SDC2: variants seen among roughly 807,000 people sequenced by gnomAD.
SDC2 encodes the protein syndecan 2, also known as syndecan-2.
SDC2 carries 13 observed loss-of-function variants against 22.2 expected under a neutral mutation model. That is an observed-to-expected ratio of 0.59 (90% confidence interval 0.38 to 0.93). The LOEUF (loss-of-function observed/expected upper bound fraction) is 0.93, where lower values mean the gene tolerates loss of function less well. SDC2 is among the 40% of genes least tolerant of loss of function. The pLI, the probability that SDC2 is intolerant of heterozygous loss-of-function variation, is 0.00. For synonymous variants in SDC2, 94 were observed against 92.8 expected (o/e 1.01, Z -0.07); for missense variants, 235 against 246.8 (o/e 0.95, Z 0.32).
At chr8:96,545,909 G>A (rs1813923739) in intron 1 of SDC2, among the ~76,000 whole-genome samples, 1 of 152,156 alleles carries the variant, frequency 6.6e-6, no homozygotes, top group Non-Finnish European at 1.5e-5. Flanking sequence ...GTTAAGATGG[G>A]GACACTAGAA....
At chr8:96,563,918 T>A (rs1208368699) in intron 1 of SDC2, among the ~76,000 whole-genome samples, 1 of 152,208 alleles carries the variant, frequency 6.6e-6, no homozygotes, top group African/African-American at 2.4e-5. Context: ...CTTACATATT[T>A]AGCTGTGAGC....
intron 1 of SDC2, among the ~76,000 whole-genome samples, chr8:96,540,709 C>G (rs1168916874): frequency 1.3e-5 from 2 of 152,162 alleles, no homozygotes; most frequent in Non-Finnish European, 2.9e-5. Flanking sequence ...ATGTTTTTCT[C>G]ATTCTGTAGT....
chr8:96,541,224 A>G (rs1386265246), intron 1 of SDC2, among the ~76,000 whole-genome samples: 1 of 152,124 alleles, frequency 6.6e-6, no homozygotes, highest in Non-Finnish European at 1.5e-5. Flanking sequence ...AGGTCAAGAG[A>G]TTGAGACCAT....
chr8:96,549,968 T>G (rs372033594), intron 1 of SDC2, among the ~76,000 whole-genome samples: 2 of 152,192 alleles, frequency 1.3e-5, no homozygotes, highest in African/African-American at 4.8e-5. Flanking sequence ...GATTGTTGTA[T>G]CTGCTAGGTT....
intron 1 of SDC2, among the ~76,000 whole-genome samples, chr8:96,532,761 C>G (rs1421612712): frequency 6.6e-6 from 1 of 152,096 alleles, no homozygotes; most frequent in African/African-American, 2.4e-5. Context: ...TACATCCGGG[C>G]TATGCATTCA....
chr8:96,561,708 G>A (rs1290540161), intron 1 of SDC2, among the ~76,000 whole-genome samples: 1 of 152,120 alleles, frequency 6.6e-6, no homozygotes. Context: ...CTTAATTTGA[G>A]ATGTATTATT....
intron 1 of SDC2, among the ~76,000 whole-genome samples, chr8:96,536,990 A>G (rs1333827670): frequency 6.6e-6 from 1 of 152,224 alleles, no homozygotes; most frequent in Non-Finnish European, 1.5e-5. Context: ...TGACAATGGC[A>G]GGCTTCAGTA....
At chr8:96,595,908 G>T (rs1814866525) in intron 2 of SDC2, among the ~76,000 whole-genome samples, 1 of 152,220 alleles carries the variant, frequency 6.6e-6, no homozygotes, top group African/African-American at 2.4e-5. Context: ...CATGGCCCTA[G>T]CCTTAGGCAG....
intron 1 of SDC2, among the ~76,000 whole-genome samples, chr8:96,530,672 TAA>T (rs1230926497): frequency 6.6e-6 from 1 of 152,162 alleles, no homozygotes; most frequent in East Asian, 1.9e-4. Flanking sequence ...TGCTAAAATA[TAA>T]GTTACTTTCT....
chr8:96,604,173 A>G (rs781772100), intron 3 of SDC2, among the ~76,000 whole-genome samples: 2 of 152,192 alleles, frequency 1.3e-5, no homozygotes, highest in Non-Finnish European at 2.9e-5. Context: ...GCTTGTAGTG[A>G]TAGAGAGTTC....
chr8:96,499,433 T>C (rs1708583438), intron 1 of SDC2, among the ~76,000 whole-genome samples: 1 of 152,234 alleles, frequency 6.6e-6, no homozygotes, highest in Admixed American at 6.5e-5. Context: ...TGGGAATCGC[T>C]GGTCTAGATC....
At chr8:96,584,936 A>G (rs1171076418) in intron 1 of SDC2, 1 of 152,214 alleles carries the variant, frequency 6.6e-6, no homozygotes, top group Non-Finnish European at 1.5e-5. Context: ...TGTTGTTGCC[A>G]GAAAATTTAA....
At chr8:96,521,091 A>G (rs1183058882) in intron 1 of SDC2, among the ~76,000 whole-genome samples, 1 of 152,208 alleles carries the variant, frequency 6.6e-6, no homozygotes, top group African/African-American at 2.4e-5. Context: ...ACTTAAGTCC[A>G]GGTGTCTTCA....
intron 3 of SDC2, among the ~76,000 whole-genome samples, chr8:96,605,061 G>A (rs547305501): frequency 3.7e-4 from 56 of 152,274 alleles, no homozygotes; most frequent in African/African-American, 1.3e-3. Flanking sequence ...TGGATTGCAC[G>A]CTTTGTTCAG....
intron 1 of SDC2, among the ~76,000 whole-genome samples, chr8:96,547,652 C>T (rs1489266389): frequency 6.6e-6 from 1 of 151,758 alleles, no homozygotes; most frequent in African/African-American, 2.4e-5. Context: ...ACTAGGGTAG[C>T]TTGTATGCAA....
chr8:96,515,855 G>A (rs376404065), intron 1 of SDC2, among the ~76,000 whole-genome samples: 1 of 152,280 alleles, frequency 6.6e-6, no homozygotes, highest in African/African-American at 2.4e-5. Context: ...AAATGCCCAT[G>A]ATTTTGATGG....
At chr8:96,565,717 C>T (rs1814289244) in intron 1 of SDC2, among the ~76,000 whole-genome samples, 1 of 152,080 alleles carries the variant, frequency 6.6e-6, no homozygotes, top group African/African-American at 2.4e-5. Context: ...AGACTGCCTT[C>T]CCTCTGCAAA....
chr8:96,538,054 C>G (rs1586287612), intron 1 of SDC2, among the ~76,000 whole-genome samples: 1 of 152,290 alleles, frequency 6.6e-6, no homozygotes, highest in East Asian at 1.9e-4. Context: ...CCTCCACATC[C>G]CAGGTTCAAG....
At chr8:96,562,025 C>T (rs1167064662) in intron 1 of SDC2, among the ~76,000 whole-genome samples, 1 of 152,126 alleles carries the variant, frequency 6.6e-6, no homozygotes. Flanking sequence ...ATTATTTCTC[C>T]TGTGGATCAT....
Sources: gnomAD v4.1 joint callset for allele counts (sites outside exome capture counted in the v4.1 genomes callset) on GRCh38, gnomAD v4.1.1 for gene constraint, MANE v1.5 for transcripts, NCBI Gene and HGNC (gene_info 2026-07-23, HGNC 2026-07-21) for gene names.